Variants in HS6ST3 observed in about 807,000 individuals in gnomAD.
The protein encoded by HS6ST3 is heparan sulfate 6-O-sulfotransferase 3, also known as heparan-sulfate 6-O-sulfotransferase 3.
Under a neutral mutation model 36.7 loss-of-function variants are expected in HS6ST3, and 12 were observed. That is an observed-to-expected ratio of 0.33 (90% CI 0.21 to 0.53). HS6ST3 has a LOEUF of 0.53. HS6ST3 is among the 20% of genes least tolerant of loss of function. The pLI, the probability that HS6ST3 is intolerant of heterozygous loss-of-function variation, is 0.95. For synonymous variants in HS6ST3, 240 were observed against 257.5 expected (o/e 0.93, Z 0.65); for missense variants, 584 against 640.9 (o/e 0.91, Z 0.96).
rs1239960899 is a variant in HS6ST3, at chr13:96,330,367, G to T, written c.707+238798G>T. 3.0e-4 allele frequency among the ~76,000 whole-genome samples: 45 copies of T among 150,200 alleles called. 1 individual carries two copies. Among genetic ancestry groups the T allele is most frequent in the African/African-American group, 9.8e-4 (40 of 41,014 alleles). On this transcript the variant is annotated intron_variant, in intron 1 of 1. Transcript: ENST00000376705. ...AGCGCTTCCTTCAGGAGCTCTTTTAGGGCAGGCCTGGTGGTGACAAAATCT... is the reference window on the plus strand; with the variant it reads ...AGCGCTTCCTTCAGGAGCTCTTTTATGGCAGGCCTGGTGGTGACAAAATCT...
chr13:96,693,824 G>A (rs1875045928), intron 1 of HS6ST3, among the ~76,000 whole-genome samples: 1 of 152,148 alleles, frequency 6.6e-6, no homozygotes, highest in African/African-American at 2.4e-5. Context: ...TAGAGAGACA[G>A]AAACAGAGAC....
chr13:96,652,005 G>C (rs772439129), intron 1 of HS6ST3, among the ~76,000 whole-genome samples: 1 of 151,904 alleles, frequency 6.6e-6, no homozygotes, highest in African/African-American at 2.4e-5. Context: ...ATTAATACCT[G>C]ATATATAGTC....
chr13:96,273,336 T>G (rs1442021273), intron 1 of HS6ST3, among the ~76,000 whole-genome samples: 1 of 151,972 alleles, frequency 6.6e-6, no homozygotes, highest in Non-Finnish European at 1.5e-5. Flanking sequence ...AGGACATTTT[T>G]CCCTCTTGAC....
chr13:96,650,021 T>C (rs529345063), intron 1 of HS6ST3, among the ~76,000 whole-genome samples: 1 of 152,072 alleles, frequency 6.6e-6, no homozygotes, highest in East Asian at 2.0e-4. Context: ...AAAGACTCAC[T>C]TGGCTAATTC....
At chr13:96,376,730 A>G (rs964154770) in intron 1 of HS6ST3, among the ~76,000 whole-genome samples, 7 of 152,160 alleles carry the variant, frequency 4.6e-5, no homozygotes, top group African/African-American at 1.7e-4. Flanking sequence ...TGAGGGTGTC[A>G]TGAGAAACCT....
chr13:96,399,619 T>A (rs2055439147), intron 1 of HS6ST3, among the ~76,000 whole-genome samples: 1 of 152,254 alleles, frequency 6.6e-6, no homozygotes, highest in Non-Finnish European at 1.5e-5. Flanking sequence ...ATTTGAATGT[T>A]TGGCCTGTGC....
chr13:96,384,481 A>G (rs1024044560), intron 1 of HS6ST3, among the ~76,000 whole-genome samples: 5 of 152,086 alleles, frequency 3.3e-5, no homozygotes, highest in Admixed American at 6.6e-5. Context: ...TTGTTTGCCA[A>G]TGAGAGTTTT....
chr13:96,232,057 A>G (rs1177320695), intron 1 of HS6ST3, among the ~76,000 whole-genome samples: 1 of 152,200 alleles, frequency 6.6e-6, no homozygotes, highest in Non-Finnish European at 1.5e-5. Flanking sequence ...AGTTGAAGAA[A>G]TGTGCCGCAT....
chr13:96,351,696 C>T (rs573647880), intron 1 of HS6ST3, among the ~76,000 whole-genome samples: 16 of 151,884 alleles, frequency 1.1e-4, no homozygotes, highest in Non-Finnish European at 1.9e-4. Flanking sequence ...TGTCTTCTAC[C>T]GTAATATATT....
chr13:96,769,237 T>C (rs1877197242), intron 1 of HS6ST3, among the ~76,000 whole-genome samples: 1 of 152,160 alleles, frequency 6.6e-6, no homozygotes. Context: ...TTTAAGGAAA[T>C]AGCAGGGAGA....
rs576218401 is a variant in HS6ST3 at position 96,602,676 on chromosome 13, G to A, written c.708-229814G>A. Among the ~76,000 whole-genome samples, 5 of 152,258 alleles carry A rather than the reference G, an allele frequency of 3.3e-5. No individual in the cohort carries two copies. The East Asian group carries it at 7.7e-4, about 24-fold the overall frequency. ...GTAGTGTGGCTCAGAGATCAAGTTCGCCATACTATCCTGAAGCCTGATGCT... is the reference window on the plus strand; with the variant it reads ...GTAGTGTGGCTCAGAGATCAAGTTCACCATACTATCCTGAAGCCTGATGCT... On this transcript the variant is annotated intron_variant, in intron 1 of 1. Coordinates refer to ENST00000376705, the MANE Select transcript of HS6ST3 (RefSeq NM_153456.4).
intron 1 of HS6ST3, among the ~76,000 whole-genome samples, chr13:96,469,876 C>G (rs1169569419): frequency 6.6e-6 from 1 of 152,130 alleles, no homozygotes; most frequent in Non-Finnish European, 1.5e-5. Context: ...ACAAAAATTT[C>G]TGTGCTCTGG....
chr13:96,447,730 C>T (rs1313123585), intron 1 of HS6ST3, among the ~76,000 whole-genome samples: 2 of 152,158 alleles, frequency 1.3e-5, no homozygotes, highest in Non-Finnish European at 2.9e-5. Context: ...TTAAACCAAT[C>T]TCCTGAGCCC....
intron 1 of HS6ST3, among the ~76,000 whole-genome samples, chr13:96,644,020 C>A (rs902107026): frequency 5.3e-5 from 8 of 151,834 alleles, no homozygotes; most frequent in African/African-American, 1.9e-4. Flanking sequence ...CCATTATTTT[C>A]ATTGCTTTTA....
At chr13:96,602,778 G>C (rs1208148117) in intron 1 of HS6ST3, among the ~76,000 whole-genome samples, 2 of 152,096 alleles carry the variant, frequency 1.3e-5, no homozygotes, top group Non-Finnish European at 2.9e-5. Context: ...GGGCTGTGGG[G>C]GTTCTGCCTG....
intron 1 of HS6ST3, among the ~76,000 whole-genome samples, chr13:96,544,191 T>C (rs2056188667): frequency 6.6e-6 from 1 of 152,166 alleles, no homozygotes; most frequent in Admixed American, 6.5e-5. Context: ...TTCTCACTGA[T>C]AAACTCAAAT....
At chr13:96,801,366 T>C (rs1179099732) in intron 1 of HS6ST3, among the ~76,000 whole-genome samples, 4 of 152,254 alleles carry the variant, frequency 2.6e-5, no homozygotes, top group South Asian at 4.1e-4. Flanking sequence ...TTAGGTATTT[T>C]AAAAAGGCTT....
At chr13:96,206,923 CA>C (rs1258379998) in intron 1 of HS6ST3, among the ~76,000 whole-genome samples, 5 of 152,014 alleles carry the variant, frequency 3.3e-5, no homozygotes, top group Non-Finnish European at 5.9e-5. Context: ...ATGAAAAGGC[CA>C]AAAGCAATTG....
Position 96,361,267 on chromosome 13 carries a change from A to T in HS6ST3, c.707+269698A>T, listed in dbSNP as rs140150549. 5.9e-5 allele frequency among the ~76,000 whole-genome samples: 9 copies of T among 152,308 alleles called. 1 individual carries two copies. Among genetic ancestry groups the T allele is most frequent in the African/African-American group, 2.2e-4 (9 of 41,576 alleles). ...CATGGCTCATCCATAGAAGACCATG[A>T]TTTCAATCCAGTCTCTGACTCCTTA... On this transcript the variant is annotated intron_variant, in intron 1 of 1. Transcript: ENST00000376705.
Sources: allele counts gnomAD v4.1 joint callset (sites outside exome capture counted in the v4.1 genomes callset), GRCh38; gene constraint gnomAD v4.1.1; transcripts MANE v1.5; gene names NCBI Gene and HGNC (gene_info 2026-07-23, HGNC 2026-07-21).